The following TRIM33 variants were observed in gnomAD, a reference collection of about 807,000 sequenced individuals.
The protein encoded by TRIM33 is tripartite motif containing 33.
A neutral mutation model predicts 125.4 loss-of-function variants in TRIM33; 20 were observed. That is an observed-to-expected ratio of 0.16 (90% confidence interval 0.11 to 0.23). The LOEUF (loss-of-function observed/expected upper bound fraction) is 0.23. TRIM33 is among the 10% of genes least tolerant of loss of function. The pLI, the probability that TRIM33 is intolerant of heterozygous loss-of-function variation, is 1.00. For synonymous variants in TRIM33, 564 were observed against 513.9 expected (o/e 1.10, Z -1.32); for missense variants, 920 against 1,411.4 (o/e 0.65, Z 5.58).
intron 4 of TRIM33, among the ~76,000 whole-genome samples, chr1:114,441,131 G>A (rs898236236): frequency 1.3e-5 from 2 of 152,158 alleles, no homozygotes; most frequent in African/African-American, 2.4e-5. Context: ...AATAAAGCGA[G>A]ACCCTGTCTG....
intron 17 of TRIM33, among the ~76,000 whole-genome samples, chr1:114,400,224 T>C (rs1052945314): frequency 6.6e-6 from 1 of 152,188 alleles, no homozygotes; most frequent in East Asian, 1.9e-4. Flanking sequence ...ATTTTTGAGA[T>C]GGAGTCTTGC....
chr1:114,476,495 TA>T (rs1650987263), intron 1 of TRIM33, among the ~76,000 whole-genome samples: 1 of 151,844 alleles, frequency 6.6e-6, no homozygotes, highest in African/African-American at 2.4e-5. Context: ...ACAAATTTTT[TA>T]AAAAAACAGA....
intron 1 of TRIM33, among the ~76,000 whole-genome samples, chr1:114,494,118 C>T (rs114733781): frequency 0.01 from 1,437 of 141,536 alleles, 21 homozygotes; most frequent in African/African-American, 0.037. Flanking sequence ...CCACTGCACC[C>T]CGCCATTTTT....
intron 4 of TRIM33, among the ~76,000 whole-genome samples, chr1:114,437,989 C>T (rs986540711): frequency 2.6e-5 from 4 of 152,044 alleles, no homozygotes; most frequent in East Asian, 1.9e-4. Flanking sequence ...CCCAGGTATT[C>T]GGGAGGCTGA....
At chr1:114,494,946 C>G (rs1570667182) in intron 1 of TRIM33, among the ~76,000 whole-genome samples, 1 of 152,282 alleles carries the variant, frequency 6.6e-6, no homozygotes, top group East Asian at 1.9e-4. Flanking sequence ...GGCAGTCTCA[C>G]TCTCTTGCCC....
intron 11 of TRIM33, chr1:114,420,368 C>T: frequency 2.3e-6 from 3 of 1,327,046 alleles, no homozygotes; most frequent in Non-Finnish European, 2.0e-6. Flanking sequence ...AGAAGAACAA[C>T]AAAGATCTAA....
chr1:114,425,794 G>T, intron 8 of TRIM33, 71 bp from the exon 9 acceptor site: 1 of 1,149,042 alleles, frequency 8.7e-7, no homozygotes, highest in Non-Finnish European at 1.2e-6. Flanking sequence ...TAATCACCAT[G>T]TTTTCCTCTT....
At chr1:114,492,581 C>G (rs1035544303) in intron 1 of TRIM33, among the ~76,000 whole-genome samples, 3 of 152,138 alleles carry the variant, frequency 2.0e-5, no homozygotes, top group Non-Finnish European at 2.9e-5. Flanking sequence ...TCTATTCCCT[C>G]CCTATTCTCC....
At chr1:114,465,882 A>C (rs1349349793) in intron 1 of TRIM33, among the ~76,000 whole-genome samples, 3 of 151,970 alleles carry the variant, frequency 2.0e-5, no homozygotes, top group Non-Finnish European at 4.4e-5. Flanking sequence ...TCTACTAAAA[A>C]TTAAAAAAAA....
At chr1:114,437,464 G>A (rs537710829) in intron 4 of TRIM33, among the ~76,000 whole-genome samples, 9 of 152,166 alleles carry the variant, frequency 5.9e-5, no homozygotes, top group Admixed American at 3.9e-4. Context: ...TCAGCCTCCC[G>A]AGTACATAGG....
intron 1 of TRIM33, among the ~76,000 whole-genome samples, chr1:114,465,463 G>A (rs1650233199): frequency 6.6e-6 from 1 of 152,168 alleles, no homozygotes. Context: ...TACACAAACT[G>A]TAGTACCATA....
intron 1 of TRIM33, among the ~76,000 whole-genome samples, chr1:114,477,106 G>C (rs1049906087): frequency 2.6e-5 from 4 of 152,076 alleles, no homozygotes; most frequent in African/African-American, 9.7e-5. Flanking sequence ...AGAATATTAT[G>C]ATCAGTAAGG....
At chr1:114,454,592 G>A (rs1338874024) in intron 4 of TRIM33, among the ~76,000 whole-genome samples, 1 of 151,246 alleles carries the variant, frequency 6.6e-6, no homozygotes, top group Admixed American at 6.6e-5. Flanking sequence ...TGTCTGAAGT[G>A]AGAGAACTGC....
intron 1 of TRIM33, among the ~76,000 whole-genome samples, chr1:114,492,121 A>C (rs930534300): frequency 6.6e-6 from 1 of 152,174 alleles, no homozygotes; most frequent in African/African-American, 2.4e-5. Context: ...TGGGCGAGTC[A>C]AATTTTTTGC....
chr1:114,436,198 C>A (rs967254001), intron 4 of TRIM33, among the ~76,000 whole-genome samples: 1 of 151,284 alleles, frequency 6.6e-6, no homozygotes. Flanking sequence ...GTCAGGAGAT[C>A]GAGACCATCC....
intron 1 of TRIM33, among the ~76,000 whole-genome samples, chr1:114,481,719 GT>G: frequency 6.7e-6 from 1 of 149,348 alleles, no homozygotes; most frequent in African/African-American, 2.5e-5. Context: ...TTTTATATTG[GT>G]TTTTTCCTCC....
At chr1:114,461,299 TTATATTTTATATTTTATATATA>T (rs1649982113) in intron 4 of TRIM33, among the ~76,000 whole-genome samples, 1 of 94,522 alleles carries the variant, frequency 1.1e-5, no homozygotes, top group Admixed American at 1.0e-4. Context: ...TATTTATATA[TTATATTTTATATTTTATATATA>T]TATATTTTAA....
chr1:114,463,351 T>C (rs1650102988), intron 3 of TRIM33, 61 bp downstream of exon 3: 2 of 1,562,868 alleles, frequency 1.3e-6, no homozygotes, highest in Non-Finnish European at 1.7e-6. Flanking sequence ...GAAAATTCTA[T>C]AGGGGCAAAA....
chr1:114,445,548 C>A (rs990824510), intron 4 of TRIM33, among the ~76,000 whole-genome samples: 3 of 152,092 alleles, frequency 2.0e-5, no homozygotes, highest in Admixed American at 6.5e-5. Context: ...GCTGGAAAAT[C>A]TGTTTTGAGG....
Sources: allele counts gnomAD v4.1 joint callset (sites outside exome capture counted in the v4.1 genomes callset), GRCh38; gene constraint gnomAD v4.1.1; transcripts MANE v1.5; gene names NCBI Gene and HGNC (gene_info 2026-07-23, HGNC 2026-07-21).